The following MRPS9 variants were observed in gnomAD, a reference collection of about 807,000 sequenced individuals.
MRPS9 encodes the protein small ribosomal subunit protein uS9m.
A neutral mutation model predicts 59.9 loss-of-function variants in MRPS9; 45 were observed. The observed-to-expected ratio is 0.75, with a 90% CI of 0.59 to 0.96. The LOEUF (loss-of-function observed/expected upper bound fraction) is 0.96. Ranked by LOEUF, MRPS9 falls within the 40% of genes least tolerant of loss-of-function variation. The probability of loss-of-function intolerance (pLI) is 0.00; values close to 1 mark genes in which losing one functional copy is unlikely to be tolerated. For synonymous variants in MRPS9, 171 were observed against 166.8 expected, an observed-to-expected ratio of 1.03 and a Z score of -0.19; for missense variants, 473 against 481.1, an observed-to-expected ratio of 0.98 and a Z score of 0.16.
Position 105,089,900 on chromosome 2 carries a change from T to C in MRPS9, c.576-20T>C. 2 of 1,543,240 alleles carry C rather than the reference T, an allele frequency of 1.3e-6. No homozygotes were observed. The highest frequency in any genetic ancestry group is 1.4e-5 in the African/African-American group (1 of 73,166). ...ATTGCATGGCTAATTAAAAAGAGAA[T>C]ATATGTGATATTTTAACAGAGACGT... On this transcript the variant is annotated intron_variant, in intron 6 of 10. Transcript: ENST00000258455.
chr2:105,070,551 A>G (rs1405916976), intron 2 of MRPS9, among the ~76,000 whole-genome samples: 1 of 152,160 alleles, frequency 6.6e-6, no homozygotes, highest in Non-Finnish European at 1.5e-5. Flanking sequence ...GTTCAACAAG[A>G]AGGAAAGTGT....
At chr2:105,048,136 T>G (rs1354855276) in intron 1 of MRPS9, among the ~76,000 whole-genome samples, 1 of 151,886 alleles carries the variant, frequency 6.6e-6, no homozygotes, top group Non-Finnish European at 1.5e-5. Context: ...ATTAAGAAAA[T>G]GTGGCACATA....
intron 9 of MRPS9, among the ~76,000 whole-genome samples, chr2:105,096,234 C>T (rs1164425916): frequency 2.0e-5 from 3 of 152,002 alleles, no homozygotes; most frequent in African/African-American, 7.3e-5. Flanking sequence ...ATGTCCTGTC[C>T]ATACCTGTCT....
At chr2:105,085,679 C>A (rs904675691) in intron 5 of MRPS9, among the ~76,000 whole-genome samples, 1 of 152,042 alleles carries the variant, frequency 6.6e-6, no homozygotes, top group Non-Finnish European at 1.5e-5. Flanking sequence ...TCTGATGACA[C>A]GAGGGGTGGA....
intron 7 of MRPS9, among the ~76,000 whole-genome samples, 164 bp downstream of exon 7, chr2:105,090,159 C>T (rs1417751403): frequency 6.6e-6 from 1 of 152,070 alleles, no homozygotes; most frequent in Non-Finnish European, 1.5e-5. Context: ...AAAAACAAAA[C>T]ACATTCATCA....
At chr2:105,097,595 A>C (rs779389564) in intron 10 of MRPS9, among the ~76,000 whole-genome samples, 44 of 152,234 alleles carry the variant, frequency 2.9e-4, no homozygotes, top group Non-Finnish European at 5.3e-4. Context: ...GGGAAAAGTT[A>C]ATTTTGGCCT....
At chr2:105,061,737 C>T (rs572118528) in intron 2 of MRPS9, among the ~76,000 whole-genome samples, 6 of 152,072 alleles carry the variant, frequency 3.9e-5, no homozygotes, top group African/African-American at 1.4e-4. Flanking sequence ...GGACAGTATT[C>T]CCTGGAGGGC....
At position 105,092,401 on chromosome 2, in the gene MRPS9, T is replaced by A. The variant is rs1420165024; in HGVS notation, c.652T>A (p.Tyr218Asn). The change falls in exon 8 of 11, where the codon TAT becomes AAT. Residue 218 changes from tyrosine to asparagine, a missense_variant and splice_region_variant. Coordinates refer to ENST00000258455, the MANE Select transcript of MRPS9 (RefSeq NM_182640.3). ...MLVEKLSDLD[Y>N]MQFIRLLEKL... ...TCTAATGAATTTTTATTGTCTGCAG[T>A]ATATGCAGTTCATTCGGCTGCTAGA... is the stretch of plus-strand genomic sequence containing the variant. 2 of 1,607,302 alleles carry A rather than the reference T, an allele frequency of 1.2e-6. No homozygotes were observed. Among genetic ancestry groups the A allele is most frequent in the Non-Finnish European group, 1.7e-6 (2 of 1,178,204 alleles).
chr2:105,071,089 T>C (rs112017212), intron 2 of MRPS9, among the ~76,000 whole-genome samples: 1,580 of 152,340 alleles, frequency 0.01, 24 homozygotes, highest in African/African-American at 0.036. Flanking sequence ...GAATGACATG[T>C]TTAAAGCTGA....
intron 1 of MRPS9, among the ~76,000 whole-genome samples, chr2:105,042,928 A>C (rs1399007736): frequency 1.3e-5 from 2 of 152,198 alleles, no homozygotes; most frequent in African/African-American, 2.4e-5. Flanking sequence ...ACAATTATTA[A>C]TAATTTCCCA....
intron 5 of MRPS9, among the ~76,000 whole-genome samples, chr2:105,086,425 TAGA>T (rs1680446531): frequency 6.6e-6 from 1 of 152,190 alleles, no homozygotes; most frequent in Non-Finnish European, 1.5e-5. Flanking sequence ...AATGGCATCA[TAGA>T]AGAATACTTT....
At chr2:105,088,922 A>G in intron 5 of MRPS9, 62 bp from the exon 6 acceptor site, 1 of 1,141,238 alleles carries the variant, frequency 8.8e-7, no homozygotes, top group South Asian at 1.7e-5. Context: ...AAAATATATC[A>G]GAAGTTATAA....
chr2:105,099,543 A>T, intron 10 of MRPS9, 127 bp from the exon 11 acceptor site: 1 of 716,388 alleles, frequency 1.4e-6, no homozygotes, highest in Non-Finnish European at 2.2e-6. Context: ...GTAAATTATT[A>T]CTGGTCTGGT....
chr2:105,084,439 T>C (rs1680409842), intron 5 of MRPS9, among the ~76,000 whole-genome samples: 1 of 152,230 alleles, frequency 6.6e-6, no homozygotes, highest in Admixed American at 6.5e-5. Flanking sequence ...TACTCGGTTC[T>C]TAAAGCCTGG....
At chr2:105,075,037 C>A (rs1361288968) in intron 4 of MRPS9, among the ~76,000 whole-genome samples, 1 of 152,130 alleles carries the variant, frequency 6.6e-6, no homozygotes, top group Non-Finnish European at 1.5e-5. Flanking sequence ...ACTACATTGT[C>A]CCATGTGGTG....
chr2:105,041,570 A>G (rs1301212604), intron 1 of MRPS9, among the ~76,000 whole-genome samples: 2 of 151,236 alleles, frequency 1.3e-5, no homozygotes, highest in Non-Finnish European at 2.9e-5. Context: ...AGGTTATAAT[A>G]TCCTGTATTT....
In MRPS9 at chr2:105,088,986, T is replaced by A; in HGVS notation, c.492T>A (p.Asp164Glu). ...GKQSYYSLMH[D>E]VYGMLLNLEK... is the part of the protein sequence containing the mutation. ...ACTGTATATTTTGTTTGCCATAGGA[T>A]GTATATGGAATGTTACTCAATTTAG... The change falls in exon 6 of 11, where the codon GAT (aspartate) becomes GAA (glutamate). Residue 164 changes from aspartate to glutamate, a missense_variant and splice_region_variant. Coordinates refer to ENST00000258455, the MANE Select transcript of MRPS9 (RefSeq NM_182640.3). 1 of 1,606,302 alleles carries A rather than the reference T, an allele frequency of 6.2e-7. No homozygotes were observed.
At chr2:105,066,054 A>G (rs1042418664) in intron 2 of MRPS9, among the ~76,000 whole-genome samples, 5 of 152,256 alleles carry the variant, frequency 3.3e-5, no homozygotes, top group African/African-American at 1.2e-4. Context: ...TACTAAACAG[A>G]TGGCAGACAG....
intron 4 of MRPS9, among the ~76,000 whole-genome samples, chr2:105,075,158 T>C (rs1312022408): frequency 6.6e-6 from 1 of 152,158 alleles, no homozygotes; most frequent in Non-Finnish European, 1.5e-5. Context: ...TATGAGAATC[T>C]AATCGCACTG....
Sources: gnomAD v4.1 joint callset for allele counts (sites outside exome capture counted in the v4.1 genomes callset) on GRCh38, gnomAD v4.1.1 for gene constraint, MANE v1.5 for transcripts, NCBI Gene and HGNC (gene_info 2026-07-23, HGNC 2026-07-21) for gene names.